SUMF1: variants seen among roughly 807,000 people sequenced by gnomAD.
SUMF1 encodes the protein sulfatase modifying factor 1.
Under a neutral mutation model 47.6 loss-of-function variants are expected in SUMF1, and 48 were observed. The observed-to-expected ratio is 1.01, with a 90% confidence interval of 0.80 to 1.28. The LOEUF (loss-of-function observed/expected upper bound fraction) is 1.28, where lower values mean the gene tolerates loss of function less well. Among genes scored for constraint, SUMF1 ranks in the 50% most tolerant of loss-of-function variants. SUMF1 has a pLI of 0.00. For missense variants in SUMF1, 571 were observed against 485.4 expected, an observed-to-expected ratio of 1.18 and a Z score of -1.66; for synonymous variants, 230 against 192.1, an observed-to-expected ratio of 1.20 and a Z score of -1.63.
At chr3:4,101,561 A>C (rs1693033591) in intron 8 of SUMF1, among the ~76,000 whole-genome samples, 1 of 152,118 alleles carries the variant, frequency 6.6e-6, no homozygotes. Flanking sequence ...TAGAAGTGAT[A>C]AGTTCTGGTG....
chr3:4,255,698 C>A (rs200690926), intron 8 of SUMF1, among the ~76,000 whole-genome samples: 7,235 of 135,274 alleles, frequency 0.053, 174 homozygotes, highest in Middle Eastern at 0.098. Context: ...CAACATTAGA[C>A]AGATCAACGA....
At chr3:4,066,064 C>A (rs1204879856) in intron 9 of SUMF1, among the ~76,000 whole-genome samples, 2 of 152,034 alleles carry the variant, frequency 1.3e-5, no homozygotes, top group Admixed American at 6.6e-5. Context: ...ACAGAATGAG[C>A]CTCCTGGGGC....
intron 8 of SUMF1, among the ~76,000 whole-genome samples, chr3:4,160,579 C>T (rs2125113224): frequency 6.6e-6 from 1 of 152,144 alleles, no homozygotes; most frequent in South Asian, 2.1e-4. Context: ...ATTCTGTCTT[C>T]TGTTTGATCA....
rs1262004731 is a variant in SUMF1, at chr3:4,316,451, C to T, written c.1014+59879G>A. 6 of 1,602,692 alleles carry T rather than the reference C, an allele frequency of 3.7e-6. No homozygotes were observed. The Admixed American group carries it at 8.5e-5, about 23-fold the overall frequency. On this transcript the variant is annotated intron_variant and NMD_transcript_variant, in intron 8 of 12. Coordinates refer to the SUMF1 transcript ENST00000448413. ...TTGACAACGACCAGTTGAGAGCAATCATCGAAGCTGATCCCCTTACAACTA... is the reference window on the plus strand; with the variant it reads ...TTGACAACGACCAGTTGAGAGCAATTATCGAAGCTGATCCCCTTACAACTA...
chr3:4,464,142 T>A (rs2079880447), intron 1 of SUMF1, among the ~76,000 whole-genome samples: 1 of 152,212 alleles, frequency 6.6e-6, no homozygotes, highest in African/African-American at 2.4e-5. Flanking sequence ...TCACTTATGT[T>A]TCCCAGCACA....
chr3:4,452,957 A>C lies in SUMF1; in HGVS notation c.363T>G (p.Ile121Met). ...CATAGGCATCCATGTAAAAGGCATCAATAGTAACTCTCCTCGCAGGTGCTT... is the reference window on the plus strand; with the variant it reads ...CATAGGCATCCATGTAAAAGGCATCCATAGTAACTCTCCTCGCAGGTGCTT... ...DGEAPARRVTIDAFYMDAYEV... is the reference protein window; with the variant it reads ...DGEAPARRVTMDAFYMDAYEV... Residue 121 changes from isoleucine (I) to methionine (M), a missense_variant, in exon 2 of 9, where the codon ATT (isoleucine) becomes ATG (methionine). Physicochemically the swap from Ile to Met is conservative, Grantham distance 10. Coordinates refer to ENST00000272902, the MANE Select transcript of SUMF1 (RefSeq NM_182760.4). 1 of 1,614,228 alleles carries C rather than the reference A, an allele frequency of 6.2e-7. No homozygotes were observed. The highest frequency in any genetic ancestry group is 8.5e-7 in the Non-Finnish European group (1 of 1,180,046).
chr3:4,295,146 T>C (rs1026244159), intron 8 of SUMF1, among the ~76,000 whole-genome samples: 7 of 152,158 alleles, frequency 4.6e-5, no homozygotes, highest in Non-Finnish European at 8.8e-5. Flanking sequence ...CATTTGGTTT[T>C]TCGTTTCCAT....
intron 8 of SUMF1, chr3:4,314,028 A>C: frequency 1.8e-6 from 1 of 564,540 alleles, no homozygotes; most frequent in Non-Finnish European, 3.1e-6. Context: ...CAAGTCCTTA[A>C]ATGGAGATAT....
At chr3:4,070,769 G>A (rs563025272) in intron 8 of SUMF1, among the ~76,000 whole-genome samples, 1 of 152,142 alleles carries the variant, frequency 6.6e-6, no homozygotes, top group South Asian at 2.1e-4. Context: ...CTGAGTAGCT[G>A]GGACTACAGG....
intron 8 of SUMF1, among the ~76,000 whole-genome samples, chr3:4,078,056 C>G (rs1203082004): frequency 6.6e-6 from 1 of 152,008 alleles, no homozygotes; most frequent in African/African-American, 2.4e-5. Flanking sequence ...TGTAGCCAGC[C>G]CTGTTGGCAA....
At chr3:4,039,295 A>G (rs1177703877) in intron 9 of SUMF1, among the ~76,000 whole-genome samples, 2 of 105,906 alleles carry the variant, frequency 1.9e-5, no homozygotes, top group African/African-American at 7.6e-5. Context: ...ATATGTATAC[A>G]TGTGCCATGC....
chr3:4,294,710 T>C (rs79875729), intron 8 of SUMF1, among the ~76,000 whole-genome samples: 2,239 of 152,208 alleles, frequency 0.015, 64 homozygotes, highest in African/African-American at 0.052. Flanking sequence ...GAAAGCAATA[T>C]GTAAAACATA....
At chr3:4,214,773 C>A (rs376801520) in intron 8 of SUMF1, among the ~76,000 whole-genome samples, 3 of 96,670 alleles carry the variant, frequency 3.1e-5, no homozygotes, top group African/African-American at 8.7e-5. Context: ...AACACCTCTG[C>A]GAAAATAAGC....
At chr3:4,447,196 T>TA (rs35690099) in intron 3 of SUMF1, among the ~76,000 whole-genome samples, 1 of 150,964 alleles carries the variant, frequency 6.6e-6, no homozygotes, top group South Asian at 2.1e-4. Flanking sequence ...AAGATTTTTT[T>TA]AAAAAAAAAG....
At chr3:4,240,927 G>A (rs191607540) in intron 8 of SUMF1, among the ~76,000 whole-genome samples, 1 of 151,948 alleles carries the variant, frequency 6.6e-6, no homozygotes, top group East Asian at 1.9e-4. Context: ...AGACTTAAAT[G>A]ACAAATGACA....
rs149085570 is a variant in SUMF1 at position 4,313,990 on chromosome 3, C to G, written c.1014+62340G>C. 7.7e-3 allele frequency: 5,932 copies of G among 766,894 alleles called. 43 individuals are homozygous for G. Among genetic ancestry groups the G allele is most frequent in the Non-Finnish European group, 8.8e-3 (4,341 of 495,200 alleles). The allele number at this position is 766,894 out of a possible 1,614,324, so 47.5% of individuals were successfully genotyped here. ...AGTTAGATTTGTCTTAGTGACTGTTCTAGTTAATAGGATATAAGCAAAAAT... is the reference window on the plus strand; with the variant it reads ...AGTTAGATTTGTCTTAGTGACTGTTGTAGTTAATAGGATATAAGCAAAAAT... On this transcript the variant is annotated intron_variant and NMD_transcript_variant, in intron 8 of 12. Transcript: ENST00000448413.
intron 8 of SUMF1, among the ~76,000 whole-genome samples, chr3:4,363,594 A>G (rs1056205482): frequency 1.3e-4 from 19 of 151,836 alleles, no homozygotes; most frequent in African/African-American, 4.6e-4. Context: ...ACGTTGCTGA[A>G]GTTGCTTATC....
intron 8 of SUMF1, among the ~76,000 whole-genome samples, chr3:4,367,192 A>C (rs916949290): frequency 6.6e-6 from 1 of 152,188 alleles, no homozygotes; most frequent in African/African-American, 2.4e-5. Context: ...TTGAGGAGGC[A>C]GTCTGCCCAT....
At chr3:4,228,015 C>G (rs1696211808) in intron 8 of SUMF1, among the ~76,000 whole-genome samples, 1 of 151,972 alleles carries the variant, frequency 6.6e-6, no homozygotes, top group East Asian at 1.9e-4. Flanking sequence ...AGAAAGAGAA[C>G]ACAATGTATG....
Sources: gnomAD v4.1 joint callset for allele counts (sites outside exome capture counted in the v4.1 genomes callset) on GRCh38, gnomAD v4.1.1 for gene constraint, MANE v1.5 for transcripts, NCBI Gene and HGNC (gene_info 2026-07-23, HGNC 2026-07-21) for gene names.